Variants in F7 observed in about 807,000 individuals in gnomAD.
F7 encodes FVII coagulation protein.
A neutral mutation model predicts 47.5 loss-of-function variants in F7; 38 were observed. The observed-to-expected ratio is 0.80, with a 90% CI of 0.62 to 1.05. The LOEUF (loss-of-function observed/expected upper bound fraction) is 1.05, where lower values mean the gene tolerates loss of function less well. F7 is among the 50% of genes least tolerant of loss of function. F7 has a pLI of 0.00. For missense variants in F7, 575 were observed against 605.4 expected, an observed-to-expected ratio of 0.95 and a Z score of 0.53; for synonymous variants, 244 against 258.5, an observed-to-expected ratio of 0.94 and a Z score of 0.54.
At chr13:113,115,830 T>A (rs1050691539) in intron 5 of F7, 30 bp downstream of exon 5, 2 of 1,612,674 alleles carry the variant, frequency 1.2e-6, no homozygotes, top group African/African-American at 2.7e-5. Flanking sequence ...CAGTCCCAGA[T>A]GACACCAGTC....
intron 6 of F7, 68 bp from the exon 7 acceptor site, chr13:113,117,405 G>C: frequency 6.2e-7 from 1 of 1,602,688 alleles, no homozygotes; most frequent in Non-Finnish European, 8.5e-7. Context: ...TGGCATGCCC[G>C]GGAGGGCGAG....
At position 113,119,585 on chromosome 13, in the gene F7, GCA is replaced by G. The variant is rs1015469305; in HGVS notation, c.*584_*585del. ...CACATAGAGATATGCACACACAGAT[GCA>G]CACACAGATATACACATGGATGCAC... On this transcript the variant is annotated 3_prime_UTR_variant, in exon 8 of 8. Transcript: ENST00000346342. 3 of 169,990 alleles carry G rather than the reference GCA, an allele frequency of 1.8e-5. No individual in the cohort carries two copies. Among genetic ancestry groups the G allele is most frequent in the South Asian group, 1.6e-4 (1 of 6,368 alleles). The allele number at this position is 169,990 out of a possible 1,614,324, so 10.5% of individuals were successfully genotyped here. A position where few individuals can be genotyped will look rare whatever the true frequency, so the allele number is the denominator to read the frequency against.
Position 113,116,886 on chromosome 13 carries a change from C to G in F7, c.615+11C>G, listed in dbSNP as rs1363481335. The G allele has an allele frequency of 6.2e-7, 1 of 1,601,638 alleles. No individual in the cohort carries two copies. Among genetic ancestry groups the G allele is most frequent in the Non-Finnish European group, 8.6e-7 (1 of 1,169,282 alleles). ...GAGTGTCCATGGCAGGTAAGGCTTC[C>G]CCTGGCTTCAGGATTCCAAGCCCTG... On this transcript the variant is annotated intron_variant, in intron 6 of 7. Transcript: ENST00000346342.
At position 113,119,742 on chromosome 13, in the gene F7, TAC is replaced by T. The variant is rs992073312; in HGVS notation, c.*742_*743del. 1.3e-5 allele frequency: 2 copies of T among 151,712 alleles called. No homozygotes were observed. The highest frequency in any genetic ancestry group is 2.4e-5 in the African/African-American group (1 of 40,960). 9.4% of individuals were successfully genotyped at this position (151,712 alleles called of 1,614,324 possible). On this transcript the variant is annotated 3_prime_UTR_variant, in exon 8 of 8. Transcript: ENST00000346342. Reference sequence around the variant, plus strand: ...ACACCAATGCGCACACACACCGATGTACACACACAGATGCACACACAGATGCA... The same window carrying T: ...ACACCAATGCGCACACACACCGATGTACACACAGATGCACACACAGATGCA...
At chr13:113,106,975 C>T (rs1234517468) in intron 1 of F7, 4 of 1,528,138 alleles carry the variant, frequency 2.6e-6, no homozygotes, top group Non-Finnish European at 3.6e-6. Context: ...CCTCCTTCCC[C>T]TCCCATGGCA....
In F7 at chr13:113,119,168, C is replaced by G. The variant is rs2036256820; in HGVS notation, c.*160C>G. On this transcript the variant is annotated 3_prime_UTR_variant, in exon 8 of 8. Coordinates refer to ENST00000346342, the MANE Select transcript of F7 (RefSeq NM_019616.4). ...AGACAGAAACAGAGAGAGACAGAGA[C>G]AGAGAGAGACTGAGGGAGAGACTCT... The G allele has an allele frequency of 3.0e-6, 2 of 672,020 alleles. No individual in the cohort carries two copies. Among genetic ancestry groups the G allele is most frequent in the Non-Finnish European group, 5.1e-6 (2 of 390,818 alleles). 41.6% of individuals were successfully genotyped at this position (672,020 alleles called of 1,614,324 possible).
rs2036250631 is a variant in F7 at position 113,118,933 on chromosome 13, G to A, written c.1260G>A (p.Gln420=). Residue 420 remains glutamine (Q), a synonymous_variant, in exon 8 of 8, where the codon CAG becomes CAA. Coordinates refer to ENST00000346342, the MANE Select transcript of F7 (RefSeq NM_019616.4). ...GHFGVYTRVS[Q]YIEWLQKLMR... is the part of the protein sequence containing the mutation. Reference sequence around the variant, plus strand: ...TTGGGGTGTACACCAGGGTCTCCCAGTACATCGAGTGGCTGCAAAAGCTCA... The same window carrying A: ...TTGGGGTGTACACCAGGGTCTCCCAATACATCGAGTGGCTGCAAAAGCTCA... The A allele has an allele frequency of 6.2e-7, 1 of 1,610,642 alleles. No individual in the cohort carries two copies. The highest frequency in any genetic ancestry group is 1.7e-5 in the Admixed American group (1 of 60,020).
intron 5 of F7, among the ~76,000 whole-genome samples, chr13:113,116,179 G>T (rs117591691): frequency 6.6e-6 from 1 of 152,296 alleles, no homozygotes; most frequent in East Asian, 1.9e-4. Context: ...ACTCGTAAAG[G>T]CTCCTGGGAA....
intron 2 of F7, among the ~76,000 whole-genome samples, chr13:113,111,565 A>G (rs375382237): frequency 2.8e-4 from 13 of 46,958 alleles, no homozygotes; most frequent in Non-Finnish European, 2.9e-4. Flanking sequence ...CACACTTCAC[A>G]CTCACGGGTC....
chr13:113,109,400 C>T (rs967283319), intron 1 of F7, among the ~76,000 whole-genome samples: 1 of 152,112 alleles, frequency 6.6e-6, no homozygotes, highest in Non-Finnish European at 1.5e-5. Context: ...CCGCCTGCAT[C>T]CTCAGCCTCC....
Position 113,115,770 on chromosome 13 carries a change from CTGG to C in F7, c.476_478del (p.Leu159_Ala160delinsPro). ...TCGGTGCCACGAGGGGTACTCTCTG[CTGG>C]CAGACGGGGTGTCCTGCACACCCAC... On this transcript the variant is annotated inframe_deletion, in exon 5 of 8. Coordinates refer to ENST00000346342, the MANE Select transcript of F7 (RefSeq NM_019616.4). The C allele has an allele frequency of 6.2e-7, 1 of 1,613,292 alleles. No individual in the cohort carries two copies. The highest frequency in any genetic ancestry group is 8.5e-7 in the Non-Finnish European group (1 of 1,180,044).
rs1293477494 is a variant in F7, at chr13:113,118,936, C to T, written c.1263C>T (p.Tyr421=). The T allele has an allele frequency of 1.2e-6, 2 of 1,610,148 alleles. No homozygotes were observed. Among genetic ancestry groups the T allele is most frequent in the Admixed American group, 3.3e-5 (2 of 59,992 alleles). Residue 421 remains tyrosine (Y), a synonymous_variant, in exon 8 of 8, where the codon TAC becomes TAT. Transcript: ENST00000346342. ...HFGVYTRVSQ[Y]IEWLQKLMRS... ...GGGTGTACACCAGGGTCTCCCAGTACATCGAGTGGCTGCAAAAGCTCATGC... is the reference window on the plus strand; with the variant it reads ...GGGTGTACACCAGGGTCTCCCAGTATATCGAGTGGCTGCAAAAGCTCATGC...
In F7 at chr13:113,118,922, A is replaced by G. The variant is rs2036250371; in HGVS notation, c.1249A>G (p.Arg417Gly). The G allele has an allele frequency of 2.5e-6, 4 of 1,611,602 alleles. No individual in the cohort carries two copies. The highest frequency in any genetic ancestry group is 8.5e-7 in the Non-Finnish European group (1 of 1,179,906). The change falls in exon 8 of 8, where the codon AGG (arginine) becomes GGG (glycine). Residue 417 changes from arginine (R) to glycine (G), a missense_variant. Physicochemically the swap from Arg to Gly is moderately radical, Grantham distance 125. Coordinates refer to ENST00000346342, the MANE Select transcript of F7 (RefSeq NM_019616.4). ...CGTGGGCCACTTTGGGGTGTACACC[A>G]GGGTCTCCCAGTACATCGAGTGGCT... ...ATVGHFGVYTRVSQYIEWLQK... is the reference protein window; with the variant it reads ...ATVGHFGVYTGVSQYIEWLQK...
chr13:113,110,687 C>T lies in F7; in HGVS notation c.65-3C>T, dbSNP rs1478105684. 2 of 1,548,246 alleles carry T rather than the reference C, an allele frequency of 1.3e-6. No individual in the cohort carries two copies. Among genetic ancestry groups the T allele is most frequent in the Non-Finnish European group, 1.7e-6 (2 of 1,146,436 alleles). On this transcript the variant is annotated splice_polypyrimidine_tract_variant and splice_region_variant and intron_variant, in intron 1 of 7. Coordinates refer to ENST00000346342, the MANE Select transcript of F7 (RefSeq NM_019616.4). ...GGCGCTTCACGGAACTCGCATTTCCCAGTCTTCGTAACCCAGGAGGAAGCC... is the reference window on the plus strand; with the variant it reads ...GGCGCTTCACGGAACTCGCATTTCCTAGTCTTCGTAACCCAGGAGGAAGCC...
chr13:113,105,861 G>C lies in F7; in HGVS notation c.20G>C (p.Arg7Thr), dbSNP rs1301327017. The change falls in exon 1 of 8, where the codon AGG becomes ACG. Residue 7 changes from arginine to threonine, a missense_variant. Arg to Thr is a moderately conservative substitution (Grantham distance 71, BLOSUM62 -1). Transcript: ENST00000346342. ...TTCATCATGGTCTCCCAGGCCCTCA[G>C]GCTCCTCTGCCTTCTGCTTGGGCTT... MVSQAL[R>T]LLCLLLGLQG... 5 of 1,591,368 alleles carry C rather than the reference G, an allele frequency of 3.1e-6. No individual in the cohort carries two copies. The East Asian group carries it at 1.1e-4, about 36-fold the overall frequency.
chr13:113,110,465 C>T, intron 1 of F7: 1 of 531,348 alleles, frequency 1.9e-6, no homozygotes, highest in Non-Finnish European at 3.2e-6. Flanking sequence ...CCCTCGGGAT[C>T]AGCCCCCGGA....
At chr13:113,116,983 CCAGG>C in intron 6 of F7, 108 bp downstream of exon 6, 1 of 907,396 alleles carries the variant, frequency 1.1e-6, no homozygotes, top group Non-Finnish European at 1.8e-6. Flanking sequence ...CCCAAGCCCA[CCAGG>C]CTCCAAGTCA....
intron 1 of F7, among the ~76,000 whole-genome samples, chr13:113,108,787 G>T (rs2036026686): frequency 9.9e-6 from 1 of 101,302 alleles, no homozygotes; most frequent in Admixed American, 9.8e-5. Flanking sequence ...GGGTGTCCCA[G>T]GGGTGTGGGT....
chr13:113,119,047 CG>C lies in F7; in HGVS notation c.*40del. On this transcript the variant is annotated 3_prime_UTR_variant, in exon 8 of 8. Coordinates refer to ENST00000346342, the MANE Select transcript of F7 (RefSeq NM_019616.4). ...GCCTGTGGAGAGAAAGCCAAGGCTG[CG>C]TCGAACTGTCCTGGCACCAAATCCC... 6.4e-7 allele frequency: 1 copy of C among 1,561,720 alleles called. No individual in the cohort carries two copies. The highest frequency in any genetic ancestry group is 8.7e-7 in the Non-Finnish European group (1 of 1,153,610).
Sources: gnomAD v4.1 joint callset for allele counts (sites outside exome capture counted in the v4.1 genomes callset) on GRCh38, gnomAD v4.1.1 for gene constraint, MANE v1.5 for transcripts, NCBI Gene and HGNC (gene_info 2026-07-23, HGNC 2026-07-21) for gene names.